Variants in ADAM15 observed in about 807,000 individuals in gnomAD.
ADAM15 encodes the protein disintegrin and metalloproteinase domain-containing protein 15.
A neutral mutation model predicts 113.8 loss-of-function variants in ADAM15; 77 were observed. The observed-to-expected ratio is 0.68, with a 90% CI of 0.56 to 0.82. The LOEUF is 0.82. Among genes scored for constraint, ADAM15 ranks in the 40% least tolerant of loss-of-function variants. The pLI, the probability that ADAM15 is intolerant of heterozygous loss-of-function variation, is 0.00. For synonymous variants in ADAM15, 388 were observed against 454.1 expected (o/e 0.85, Z 1.85); for missense variants, 963 against 1,120.1 (o/e 0.86, Z 2.00).
Position 155,058,555 on chromosome 1 carries a change from C to A in ADAM15, c.1917+114C>A, listed in dbSNP as rs111829929. On this transcript the variant is annotated intron_variant, in intron 15 of 22. Transcript: ENST00000356955. This position sits in a 1 kb window ranked among gnomAD's most constrained non-coding sequence, Gnocchi z 4.3. ...CAAAGGCAGGGACTCCAAGGGAAGT[C>A]AGTTTCTTACTTCAGATGGAGCAAA... The A allele has an allele frequency of 3.2e-6, 5 of 1,549,838 alleles. No individual in the cohort carries two copies. Among genetic ancestry groups the A allele is most frequent in the Non-Finnish European group, 4.4e-6 (5 of 1,148,950 alleles).
rs1276187825 is a variant in ADAM15, at chr1:155,056,702, G to A, written c.999+232G>A. Among the ~76,000 whole-genome samples, 1 of 152,136 alleles carries A rather than the reference G, an allele frequency of 6.6e-6. No individual in the cohort carries two copies. The highest frequency in any genetic ancestry group is 2.4e-5 in the African/African-American group (1 of 41,418). ...CTTCCCATTTCTTAGAGGAGGGTAGGAGGCAGCTAAGGCCCAAAGAACAGA... is the reference window on the plus strand; with the variant it reads ...CTTCCCATTTCTTAGAGGAGGGTAGAAGGCAGCTAAGGCCCAAAGAACAGA... On this transcript the variant is annotated intron_variant, in intron 10 of 22. Coordinates refer to ENST00000356955, the MANE Select transcript of ADAM15 (RefSeq NM_207197.3). The surrounding 1 kb of genome is among the most constrained non-coding windows in gnomAD (Gnocchi z 4.0).
rs752549007 is a variant in ADAM15 at position 155,057,614 on chromosome 1, G to A, written c.1324-23G>A. Reference sequence around the variant, plus strand: ...ACAGGCCCCACCTGCTCTGATGCCCGGCCCCCGTGCTCCTGCCCACAGGAC... The same window carrying A: ...ACAGGCCCCACCTGCTCTGATGCCCAGCCCCCGTGCTCCTGCCCACAGGAC... On this transcript the variant is annotated intron_variant, in intron 12 of 22. Transcript: ENST00000356955. This position sits in a 1 kb window ranked among gnomAD's most constrained non-coding sequence, Gnocchi z 5.0. The A allele has an allele frequency of 8.1e-6, 13 of 1,613,084 alleles. No individual in the cohort carries two copies. Among genetic ancestry groups the A allele is most frequent in the East Asian group, 6.7e-5 (3 of 44,878 alleles).
At chr1:155,061,523 G>T in intron 20 of ADAM15, 34 bp downstream of exon 20, 1 of 1,601,480 alleles carries the variant, frequency 6.2e-7, no homozygotes, top group Non-Finnish European at 8.5e-7. Context: ...CTGAGCCAAG[G>T]CAGGTGGGAG....
Position 155,058,903 on chromosome 1 carries a change from T to C in ADAM15, c.1995+116T>C. 1.5e-6 allele frequency: 2 copies of C among 1,341,098 alleles called. No individual in the cohort carries two copies. Among genetic ancestry groups the C allele is most frequent in the Non-Finnish European group, 2.0e-6 (2 of 1,004,724 alleles). The allele number at this position is 1,341,098 out of a possible 1,614,324, so 83.1% of individuals were successfully genotyped here. ...TAATCCTTGCTCTACTACTTCCCAG[T>C]TGTGTGACCTCGGGCAGGTTACTAA... On this transcript the variant is annotated intron_variant, in intron 16 of 22. Transcript: ENST00000356955. This position sits in a 1 kb window ranked among gnomAD's most constrained non-coding sequence, Gnocchi z 4.3.
rs528966302 is a variant in ADAM15, at chr1:155,058,946, T to A, written c.1995+159T>A. On this transcript the variant is annotated intron_variant, in intron 16 of 22. Transcript: ENST00000356955. The surrounding 1 kb of genome is among the most constrained non-coding windows in gnomAD (Gnocchi z 4.3). The stretch of plus-strand genomic sequence containing the variant: ...GTTACTAACTTTGCTGAGCTCAGTT[T>A]CCCCACCTATCAAATGGCTATAATA... Among the ~76,000 whole-genome samples the A allele has an allele frequency of 6.6e-6, 1 of 152,272 alleles. No individual in the cohort carries two copies. Among genetic ancestry groups the A allele is most frequent in the African/African-American group, 2.4e-5 (1 of 41,542 alleles).
Position 155,062,736 on chromosome 1 carries a change from C to G in ADAM15, c.*234C>G. 1.8e-6 allele frequency: 1 copy of G among 551,354 alleles called. No homozygotes were observed. The highest frequency in any genetic ancestry group is 2.5e-5 in the South Asian group (1 of 40,220). 34.2% of individuals were successfully genotyped at this position (551,354 alleles called of 1,614,324 possible). A position where few individuals can be genotyped will look rare whatever the true frequency, so the allele number is the denominator to read the frequency against. On this transcript the variant is annotated 3_prime_UTR_variant, in exon 23 of 23. Transcript: ENST00000356955. The surrounding 1 kb of genome is among the most constrained non-coding windows in gnomAD (Gnocchi z 7.0). The stretch of plus-strand genomic sequence containing the variant: ...ATTGAGGAAGGTCCGCACAGCCTGT[C>G]TCTGCTCAGTTGCAATAAACGTGAC...
chr1:155,054,001 C>T lies in ADAM15; in HGVS notation c.342+13C>T. The T allele has an allele frequency of 2.5e-6, 4 of 1,614,080 alleles. No individual in the cohort carries two copies. Among genetic ancestry groups the T allele is most frequent in the Non-Finnish European group, 3.4e-6 (4 of 1,179,976 alleles). Reference sequence around the variant, plus strand: ...GGGACACACTTTGGTGAGTCAGGCCCTCTTGTGCCATTTTTGGCTTAGGGG... The same window carrying T: ...GGGACACACTTTGGTGAGTCAGGCCTTCTTGTGCCATTTTTGGCTTAGGGG... On this transcript the variant is annotated intron_variant, in intron 4 of 22. Coordinates refer to ENST00000356955, the MANE Select transcript of ADAM15 (RefSeq NM_207197.3).
rs1662488868 is a variant in ADAM15, at chr1:155,060,919, A to AGAAAGG, written c.2277+87_2277+88insGAAAGG. 7.7e-6 allele frequency: 10 copies of AGAAAGG among 1,305,442 alleles called. No individual in the cohort carries two copies. In the South Asian group the frequency reaches 1.2e-4, roughly 16 times the overall value. 80.9% of individuals were successfully genotyped at this position (1,305,442 alleles called of 1,614,324 possible). ...GGGGGGTGCGCATTAAAGGCTCCAG[A>AGAAAGG]CTCAGAGAAAGGCTAGCACTGCCCA... On this transcript the variant is annotated intron_variant, in intron 19 of 22. Coordinates refer to ENST00000356955, the MANE Select transcript of ADAM15 (RefSeq NM_207197.3).
At position 155,056,188 on chromosome 1, in the gene ADAM15, C is replaced by T. The variant is rs1394972309; in HGVS notation, c.853C>T (p.Leu285Phe). Residue 285 changes from leucine to phenylalanine, a missense_variant, in exon 9 of 23, where the codon CTC becomes TTC. Physicochemically the swap from Leu to Phe is conservative, Grantham distance 22 (BLOSUM62 0). Transcript: ENST00000356955. The surrounding 1 kb of genome is among the most constrained non-coding windows in gnomAD (Gnocchi z 4.0). Reference sequence around the variant, plus strand: ...CCCAGCTGTCACCCTCGAAAACTTCCTCCACTGGCGCAGGGCACATTTGCT... The same window carrying T: ...CCCAGCTGTCACCCTCGAAAACTTCTTCCACTGGCGCAGGGCACATTTGCT... ...PNPAVTLENFLHWRRAHLLPR... is the reference protein window; with the variant it reads ...PNPAVTLENFFHWRRAHLLPR... The T allele has an allele frequency of 6.2e-7, 1 of 1,614,098 alleles. No homozygotes were observed. The highest frequency in any genetic ancestry group is 2.2e-5 in the East Asian group (1 of 44,890).
At chr1:155,053,854 C>A in intron 3 of ADAM15, 56 bp from the exon 4 acceptor site, 1 of 1,586,058 alleles carries the variant, frequency 6.3e-7, no homozygotes, top group South Asian at 1.1e-5. Flanking sequence ...CTCTGCTTGT[C>A]AATGCACGAC....
At position 155,053,118 on chromosome 1, in the gene ADAM15, C is replaced by CT. The variant is rs937021709; in HGVS notation, c.187-299_187-298insT. On this transcript the variant is annotated intron_variant, in intron 2 of 22. Transcript: ENST00000356955. Reference sequence around the variant, plus strand: ...CAGGACCTTACCAAACCCCCCCCCCCCCACCCCATTCTAAAGCTGAGTCAG... The same window carrying CT: ...CAGGACCTTACCAAACCCCCCCCCCCTCCACCCCATTCTAAAGCTGAGTCAG... 1.5e-5 allele frequency among the ~76,000 whole-genome samples: 2 copies of CT among 137,362 alleles called. 1 individual carries two copies. The highest frequency in any genetic ancestry group is 5.4e-5 in the African/African-American group (2 of 37,182). The allele number at this position is 137,362 out of a possible 152,430, so 90.1% of individuals were successfully genotyped here.
In ADAM15 at chr1:155,056,598, C is replaced by G; in HGVS notation, c.999+128C>G. 1 of 889,218 alleles carries G rather than the reference C, an allele frequency of 1.1e-6. No homozygotes were observed. The highest frequency in any genetic ancestry group is 1.7e-6 in the Non-Finnish European group (1 of 577,038). 55.1% of individuals were successfully genotyped at this position (889,218 alleles called of 1,614,324 possible). A position where few individuals can be genotyped will look rare whatever the true frequency, so the allele number is the denominator to read the frequency against. Reference sequence around the variant, plus strand: ...GCTACAGGTATAGAGGGTGGAGGTACGTGATGTGGCCTTTGCTATCAGGGA... The same window carrying G: ...GCTACAGGTATAGAGGGTGGAGGTAGGTGATGTGGCCTTTGCTATCAGGGA... On this transcript the variant is annotated intron_variant, in intron 10 of 22. Coordinates refer to ENST00000356955, the MANE Select transcript of ADAM15 (RefSeq NM_207197.3). This position sits in a 1 kb window ranked among gnomAD's most constrained non-coding sequence, Gnocchi z 4.0.
Position 155,056,658 on chromosome 1 carries a change from C to A in ADAM15, c.999+188C>A, listed in dbSNP as rs1661804339. The stretch of plus-strand genomic sequence containing the variant: ...TATGGCCAGCTAGTCACAGTGTACA[C>A]AGTCATCCCCTGTGCAGTCTTCCCA... On this transcript the variant is annotated intron_variant, in intron 10 of 22. Coordinates refer to ENST00000356955, the MANE Select transcript of ADAM15 (RefSeq NM_207197.3). The surrounding 1 kb of genome is among the most constrained non-coding windows in gnomAD (Gnocchi z 4.0). 6.6e-6 allele frequency among the ~76,000 whole-genome samples: 1 copy of A among 152,136 alleles called. No homozygotes were observed. Among genetic ancestry groups the A allele is most frequent in the Non-Finnish European group, 1.5e-5 (1 of 68,020 alleles).
rs1051908 is a variant in ADAM15, at chr1:155,062,549, G to A, written c.*47G>A. 6.2e-7 allele frequency: 1 copy of A among 1,602,554 alleles called. No homozygotes were observed. The highest frequency in any genetic ancestry group is 1.1e-5 in the South Asian group (1 of 89,512). On this transcript the variant is annotated 3_prime_UTR_variant, in exon 23 of 23. Coordinates refer to ENST00000356955, the MANE Select transcript of ADAM15 (RefSeq NM_207197.3). This position sits in a 1 kb window ranked among gnomAD's most constrained non-coding sequence, Gnocchi z 7.0. ...CTCCAAGCCGGACTTAGGGCTTCAA[G>A]AGGCGGGCGTGCCCTCTGGAGTCCC...
chr1:155,055,933 C>A lies in ADAM15; in HGVS notation c.677C>A (p.Ala226Asp). The A allele has an allele frequency of 1.2e-6, 2 of 1,614,184 alleles. No homozygotes were observed. The highest frequency in any genetic ancestry group is 4.5e-5 in the East Asian group (2 of 44,890). The change falls in exon 8 of 23, where the codon GCC (alanine) becomes GAC (aspartate). Residue 226 changes from alanine (A) to aspartate (D), a missense_variant and splice_region_variant. Coordinates refer to ENST00000356955, the MANE Select transcript of ADAM15 (RefSeq NM_207197.3). Reference sequence around the variant, plus strand: ...CATGTCACCTCTCTTGGCCTACAGGCCCAGAAATACCGGGACTTCCAGCAC... The same window carrying A: ...CATGTCACCTCTCTTGGCCTACAGGACCAGAAATACCGGGACTTCCAGCAC... ...ELVIVADHSE[A>D]QKYRDFQHLL...
rs112262020 is a variant in ADAM15, at chr1:155,054,396, C to G, written c.502C>G (p.Arg168Gly). The G allele has an allele frequency of 6.2e-7, 1 of 1,612,400 alleles. No homozygotes were observed. Among genetic ancestry groups the G allele is most frequent in the Non-Finnish European group, 8.5e-7 (1 of 1,179,350 alleles). Reference protein sequence around the residue: ...GDLQGPPIISRIQDLHLPGHT... With the variant: ...GDLQGPPIISGIQDLHLPGHT... Reference sequence around the variant, plus strand: ...CCTTCAGGGTCCTCCCATTATTTCGCGAATCCAAGATCTCCACCTGCCAGG... The same window carrying G: ...CCTTCAGGGTCCTCCCATTATTTCGGGAATCCAAGATCTCCACCTGCCAGG... The change falls in exon 6 of 23, where the codon CGA becomes GGA. Residue 168 changes from arginine (R) to glycine (G), a missense_variant. Arg to Gly is a moderately radical substitution (Grantham distance 125). Coordinates refer to ENST00000356955, the MANE Select transcript of ADAM15 (RefSeq NM_207197.3).
intron 6 of ADAM15, chr1:155,055,508 G>T: frequency 2.3e-6 from 1 of 432,298 alleles, no homozygotes; most frequent in Non-Finnish European, 4.3e-6. Context: ...TTACAGGCGT[G>T]AGCCACCGCA....
In ADAM15 at chr1:155,060,789, G is replaced by A. The variant is rs146469436; in HGVS notation, c.2234G>A (p.Arg745Gln). ...GCAGCCCAATCTGGTCCCTCTGAAC[G>A]GCCAGGACCTCCGCAGAGGGCCCTG... is the stretch of plus-strand genomic sequence containing the variant. ...YRAAQSGPSERPGPPQRALLA... is the reference protein window; with the variant it reads ...YRAAQSGPSEQPGPPQRALLA... Residue 745 changes from arginine (R) to glutamine (Q), a missense_variant, in exon 19 of 23, where the codon CGG (arginine) becomes CAG (glutamine). Physicochemically the swap from Arg to Gln is conservative, Grantham distance 43. Coordinates refer to ENST00000356955, the MANE Select transcript of ADAM15 (RefSeq NM_207197.3). 5.3e-5 allele frequency: 85 copies of A among 1,613,332 alleles called. No individual in the cohort carries two copies. The highest frequency in any genetic ancestry group is 1.6e-4 in the Middle Eastern group (1 of 6,080).
chr1:155,052,580 G>T lies in ADAM15; in HGVS notation c.80-91G>T, dbSNP rs569517540. 4.5e-6 allele frequency: 7 copies of T among 1,551,550 alleles called. No homozygotes were observed. In the East Asian group the frequency reaches 1.7e-4, roughly 38 times the overall value. On this transcript the variant is annotated intron_variant, in intron 1 of 22. Coordinates refer to ENST00000356955, the MANE Select transcript of ADAM15 (RefSeq NM_207197.3). ...CTCAGGTACCTAAGGGTCTTGATGG[G>T]CTGGGAGCTGGTGGATCTGAGGGCA...
Sources: allele counts gnomAD v4.1 joint callset (sites outside exome capture counted in the v4.1 genomes callset), GRCh38; gene constraint gnomAD v4.1.1; non-coding constraint Gnocchi (gnomAD v3.1); transcripts MANE v1.5; gene names NCBI Gene and HGNC (gene_info 2026-07-23, HGNC 2026-07-21).